The following CHRM3 variants were observed in gnomAD, a reference collection of about 807,000 sequenced individuals.
CHRM3 encodes the protein muscarinic acetylcholine receptor M3.
Under a neutral mutation model 41.8 loss-of-function variants are expected in CHRM3, and 11 were observed. The ratio of observed to expected loss-of-function variants is 0.26; its 90% CI spans 0.17 to 0.44. CHRM3 has a LOEUF of 0.44. Among genes scored for constraint, CHRM3 ranks in the 20% least tolerant of loss-of-function variants. The pLI is 1.00. For synonymous variants in CHRM3, 297 were observed against 301.4 expected, an observed-to-expected ratio of 0.99 and a Z score of 0.15; for missense variants, 571 against 745.4, an observed-to-expected ratio of 0.77 and a Z score of 2.72.
chr1:239,905,213 G>A (rs1216556126), intron 6 of CHRM3, among the ~76,000 whole-genome samples: 1 of 152,172 alleles, frequency 6.6e-6, no homozygotes, highest in African/African-American at 2.4e-5. Context: ...CCAGCTAGGA[G>A]GTGCTAGTTG....
chr1:239,401,168 G>T (rs1659940702), intron 1 of CHRM3, among the ~76,000 whole-genome samples: 1 of 152,148 alleles, frequency 6.6e-6, no homozygotes, highest in Non-Finnish European at 1.5e-5. Context: ...ATTATCAAGG[G>T]TCAGGCCACA....
intron 1 of CHRM3, among the ~76,000 whole-genome samples, chr1:239,413,568 G>A (rs376900513): frequency 2.6e-5 from 4 of 152,144 alleles, no homozygotes; most frequent in South Asian, 2.1e-4. Context: ...GATTACAGGC[G>A]TGAGCCACCA....
chr1:239,815,907 A>G (rs184754385), intron 5 of CHRM3, among the ~76,000 whole-genome samples: 25 of 152,346 alleles, frequency 1.6e-4, no homozygotes, highest in Non-Finnish European at 8.8e-5. Context: ...ACTTCAGCAA[A>G]ATCAATATGG....
intron 3 of CHRM3, among the ~76,000 whole-genome samples, chr1:239,580,576 T>G (rs1009773213): frequency 3.3e-5 from 5 of 151,452 alleles, no homozygotes; most frequent in Non-Finnish European, 7.4e-5. Context: ...TTACCAAAAC[T>G]AATAGTACAA....
intron 3 of CHRM3, among the ~76,000 whole-genome samples, chr1:239,600,643 A>C (rs1665403998): frequency 6.6e-6 from 1 of 151,884 alleles, no homozygotes; most frequent in African/African-American, 2.4e-5. Context: ...TAAATATATC[A>C]AAGAAGTATT....
chr1:239,771,434 A>T (rs1460707112), intron 5 of CHRM3, among the ~76,000 whole-genome samples: 1 of 152,154 alleles, frequency 6.6e-6, no homozygotes, highest in Non-Finnish European at 1.5e-5. Flanking sequence ...AAAGAATGGA[A>T]ATCTGTTCAT....
chr1:239,404,166 G>A (rs1349346158), intron 1 of CHRM3, among the ~76,000 whole-genome samples: 2 of 151,076 alleles, frequency 1.3e-5, no homozygotes, highest in East Asian at 4.0e-4. Flanking sequence ...GTGGGCACCT[G>A]TAGTCCCAGC....
chr1:239,420,579 T>C (rs981134952), intron 1 of CHRM3, among the ~76,000 whole-genome samples: 10 of 152,192 alleles, frequency 6.6e-5, no homozygotes, highest in African/African-American at 2.4e-4. Context: ...TTGACCTAAA[T>C]ATGTATTTCA....
At chr1:239,753,745 C>A (rs964102848) in intron 5 of CHRM3, among the ~76,000 whole-genome samples, 8 of 152,152 alleles carry the variant, frequency 5.3e-5, no homozygotes, top group African/African-American at 1.9e-4. Flanking sequence ...TGGCTGAATC[C>A]TGGGTTATAT....
At chr1:239,718,227 G>A (rs894386150) in intron 5 of CHRM3, among the ~76,000 whole-genome samples, 1 of 152,044 alleles carries the variant, frequency 6.6e-6, no homozygotes, top group Non-Finnish European at 1.5e-5. Context: ...TAAATGAAGT[G>A]TATATTTTCC....
chr1:239,736,151 C>A (rs1421983860), intron 5 of CHRM3, among the ~76,000 whole-genome samples: 1 of 151,974 alleles, frequency 6.6e-6, no homozygotes, highest in Non-Finnish European at 1.5e-5. Context: ...AATATTAACA[C>A]CTTTAATCTT....
At chr1:239,888,096 A>G (rs939642187) in intron 6 of CHRM3, among the ~76,000 whole-genome samples, 5 of 152,188 alleles carry the variant, frequency 3.3e-5, no homozygotes, top group Non-Finnish European at 5.9e-5. Context: ...ACAGTCATAT[A>G]TCAGTAAGAA....
At chr1:239,643,428 G>A (rs968559246) in intron 4 of CHRM3, among the ~76,000 whole-genome samples, 8 of 152,300 alleles carry the variant, frequency 5.3e-5, no homozygotes, top group East Asian at 1.9e-4. Flanking sequence ...CACCCAGTTC[G>A]AGCTTCCCAG....
At chr1:239,396,422 G>A (rs1301714645) in intron 1 of CHRM3, among the ~76,000 whole-genome samples, 1 of 151,912 alleles carries the variant, frequency 6.6e-6, no homozygotes, top group Non-Finnish European at 1.5e-5. Flanking sequence ...ACCAACCTGG[G>A]CAACTTAGCA....
At chr1:239,410,157 A>G (rs1187158166) in intron 1 of CHRM3, among the ~76,000 whole-genome samples, 1 of 152,154 alleles carries the variant, frequency 6.6e-6, no homozygotes, top group Non-Finnish European at 1.5e-5. Flanking sequence ...GTTTTCAGTC[A>G]TGTAGTGCTC....
intron 2 of CHRM3, among the ~76,000 whole-genome samples, chr1:239,537,732 C>T (rs1173437394): frequency 6.6e-6 from 1 of 152,174 alleles, no homozygotes; most frequent in African/African-American, 2.4e-5. Context: ...CAAAGTTCAT[C>T]GATCCTCATC....
chr1:239,437,258 G>A (rs1464976363), intron 1 of CHRM3, among the ~76,000 whole-genome samples: 1 of 152,112 alleles, frequency 6.6e-6, no homozygotes, highest in Non-Finnish European at 1.5e-5. Flanking sequence ...GGATTACACA[G>A]ACATGCCATT....
intron 6 of CHRM3, among the ~76,000 whole-genome samples, 156 bp downstream of exon 6, chr1:239,827,534 T>C (rs1470560532): frequency 6.6e-6 from 1 of 152,200 alleles, no homozygotes; most frequent in Non-Finnish European, 1.5e-5. Context: ...CATTTATATG[T>C]TGAAGGTAAT....
chr1:239,538,596 T>G (rs956207695), intron 2 of CHRM3, among the ~76,000 whole-genome samples: 1 of 152,248 alleles, frequency 6.6e-6, no homozygotes, highest in Non-Finnish European at 1.5e-5. Context: ...CTGATTTTTG[T>G]CTAGTTCATT....
Sources: gnomAD v4.1 joint callset for allele counts (sites outside exome capture counted in the v4.1 genomes callset) on GRCh38, gnomAD v4.1.1 for gene constraint, MANE v1.5 for transcripts, NCBI Gene and HGNC (gene_info 2026-07-23, HGNC 2026-07-21) for gene names.